HRNR: variants seen among roughly 807,000 people sequenced by gnomAD.
The protein encoded by HRNR is hornerin.
A neutral mutation model predicts 4.8 loss-of-function variants in HRNR; 7 were observed. That is an observed-to-expected ratio of 1.47 (90% confidence interval 0.83 to 2.75). The LOEUF (loss-of-function observed/expected upper bound fraction) is 2.75. Among genes scored for constraint, HRNR ranks in the 30% most tolerant of loss-of-function variants. The pLI is 0.00. For synonymous variants in HRNR, 1,023 were observed against 1,242.7 expected, an observed-to-expected ratio of 0.82 and a Z score of 3.72; for missense variants, 2,879 against 3,010.4, an observed-to-expected ratio of 0.96 and a Z score of 1.02.
In HRNR at chr1:152,220,548, AG is replaced by A. The variant is rs778877089; in HGVS notation, c.1080del (p.Tyr361IlefsTer224). On this transcript the variant is annotated frameshift_variant, in exon 3 of 3. Transcript: ENST00000368801. LOFTEE classifies it low-confidence loss of function (END_TRUNC). ...QHESGSGQSS[G>X]YSKHGSGSGH... Reference sequence around the variant, plus strand: ...CCTGAGCCAGAACCATGCTTACTATAGCCAGAGGACTGTCCTGAGCCAGACT... The same window carrying A: ...CCTGAGCCAGAACCATGCTTACTATACCAGAGGACTGTCCTGAGCCAGACT... 6.2e-7 allele frequency: 1 copy of A among 1,611,460 alleles called. No homozygotes were observed. The highest frequency in any genetic ancestry group is 8.5e-7 in the Non-Finnish European group (1 of 1,178,336).
chr1:152,220,560 G>T lies in HRNR; in HGVS notation c.1069C>A (p.Gln357Lys), dbSNP rs146471221. Residue 357 changes from glutamine to lysine, a missense_variant, in exon 3 of 3, where the codon CAG (glutamine) becomes AAG (lysine). By Grantham distance (53) the Gln-to-Lys change is moderately conservative. Coordinates refer to ENST00000368801, the MANE Select transcript of HRNR (RefSeq NM_001009931.3). ...GFGQHESGSG[Q>K]SSGYSKHGSG... is the part of the protein sequence containing the mutation. Reference sequence around the variant, plus strand: ...CCATGCTTACTATAGCCAGAGGACTGTCCTGAGCCAGACTCATGTTGCCCA... The same window carrying T: ...CCATGCTTACTATAGCCAGAGGACTTTCCTGAGCCAGACTCATGTTGCCCA... 14 of 1,611,778 alleles carry T rather than the reference G, an allele frequency of 8.7e-6. No homozygotes were observed. In the African/African-American group the frequency reaches 1.2e-4, roughly 14 times the overall value.
intron 2 of HRNR, among the ~76,000 whole-genome samples, chr1:152,222,579 A>G (rs571564260): frequency 6.6e-6 from 1 of 152,312 alleles, no homozygotes; most frequent in East Asian, 1.9e-4. Context: ...GGGCAAAAAG[A>G]TGAAGGAAAA....
rs41266136 is a variant in HRNR, at chr1:152,220,686, C to T, written c.943G>A (p.Gly315Ser). 0.024 allele frequency: 38,717 copies of T among 1,613,896 alleles called. 667 individuals are homozygous for T. The highest frequency in any genetic ancestry group is 0.056 in the South Asian group (5,064 of 91,074). ...CCGTGGCTGGAGGAGTGCCCCGAAC[C>T]GGACCCATGTCGGACGTGGCTAGGA... The part of the protein sequence containing the change: ...QSPSHVRHGS[G>S]SGHSSSHGQH... Residue 315 changes from glycine to serine, a missense_variant, in exon 3 of 3, where the codon GGT becomes AGT. By Grantham distance (56) the Gly-to-Ser change is moderately conservative. Transcript: ENST00000368801.
Position 152,220,648 on chromosome 1 carries a change from A to C in HRNR, c.981T>G (p.Ser327=). ...GHSSSHGQHG[S]GSSYSYSRGH... ...CACGGCTGTAAGAGTAACTTGAGCC[A>C]GACCCGTGTTGGCCGTGGCTGGAGG... The change falls in exon 3 of 3, where the codon TCT becomes TCG. Residue 327 remains serine (S), a synonymous_variant. Coordinates refer to ENST00000368801, the MANE Select transcript of HRNR (RefSeq NM_001009931.3). The C allele has an allele frequency of 6.2e-6, 10 of 1,612,210 alleles. No homozygotes were observed. Among genetic ancestry groups the C allele is most frequent in the Non-Finnish European group, 8.5e-6 (10 of 1,178,676 alleles).
rs145853651 is a variant in HRNR at position 152,221,466 on chromosome 1, C to A, written c.163G>T (p.Asp55Tyr). 19 of 1,608,078 alleles carry A rather than the reference C, an allele frequency of 1.2e-5. No individual in the cohort carries two copies. The highest frequency in any genetic ancestry group is 1.6e-5 in the Non-Finnish European group (19 of 1,176,538). The change falls in exon 3 of 3, where the codon GAT (aspartate) becomes TAT (tyrosine). Residue 55 changes from aspartate (D) to tyrosine (Y), a missense_variant. Physicochemically the swap from Asp to Tyr is radical, Grantham distance 160. Coordinates refer to ENST00000368801, the MANE Select transcript of HRNR (RefSeq NM_001009931.3). ...LKNPNDPDTV[D>Y]IILQSLDRDH... ...CGATCCAGACTTTGCAAGATGATAT[C>A]CACAGTATCTGGATCGTTTGGATTC...
rs761624974 is a variant in HRNR at position 152,220,753 on chromosome 1, C to T, written c.876G>A (p.Gln292=). Residue 292 remains glutamine, a synonymous_variant, in exon 3 of 3, where the codon CAG becomes CAA. Transcript: ENST00000368801. ...SYGQHGSGSR[Q]SLGHGRQGSG... ...ACCCTTGTCGGCCGTGGCCCAAAGA[C>T]TGACGGGAACCAGACCCATGCTGAC... 4.3e-6 allele frequency: 7 copies of T among 1,613,672 alleles called. No homozygotes were observed. Among genetic ancestry groups the T allele is most frequent in the African/African-American group, 1.3e-5 (1 of 74,848 alleles).
Position 152,220,039 on chromosome 1 carries a change from G to A in HRNR, c.1590C>T (p.His530=), listed in dbSNP as rs765023975. The change falls in exon 3 of 3, where the codon CAC becomes CAT. Residue 530 remains histidine, a synonymous_variant. Transcript: ENST00000368801. ...GGCCAGATCCAGACCCATGTCGGCT[G>A]TGTCCCAAAGATTGACGGGAGCCAG... is the stretch of plus-strand genomic sequence containing the variant. ...HGSGSRQSLG[H]SRHGSGSGQS... 1.9e-6 allele frequency: 3 copies of A among 1,613,608 alleles called. No homozygotes were observed. The highest frequency in any genetic ancestry group is 4.5e-5 in the East Asian group (2 of 44,852).
At position 152,219,565 on chromosome 1, in the gene HRNR, A is replaced by G. The variant is rs771059386; in HGVS notation, c.2064T>C (p.Asn688=). 6.2e-7 allele frequency: 1 copy of G among 1,613,530 alleles called. No individual in the cohort carries two copies. Among genetic ancestry groups the G allele is most frequent in the Non-Finnish European group, 8.5e-7 (1 of 1,179,918 alleles). The stretch of plus-strand genomic sequence containing the variant: ...GGCCTGAGACAGACCCATGTGGGCC[A>G]TTGCTTGAAGACCAACCGGAGCCAG... ...HGSGSGWSSS[N]GPHGSVSGQS... is the part of the protein sequence containing the mutation. The change falls in exon 3 of 3, where the codon AAT becomes AAC. Residue 688 remains asparagine, a synonymous_variant. Transcript: ENST00000368801.
In HRNR at chr1:152,212,954, A is replaced by G. The variant is rs1384559197; in HGVS notation, c.*122T>C. 3 of 1,307,938 alleles carry G rather than the reference A, an allele frequency of 2.3e-6. No individual in the cohort carries two copies. Among genetic ancestry groups the G allele is most frequent in the Non-Finnish European group, 3.1e-6 (3 of 961,182 alleles). 81.0% of individuals were successfully genotyped at this position (1,307,938 alleles called of 1,614,324 possible). Reference sequence around the variant, plus strand: ...TTAGGCTCTAAAGAAAGAGACAGAAATGCATTGATTCACTTTTAGAACGAA... The same window carrying G: ...TTAGGCTCTAAAGAAAGAGACAGAAGTGCATTGATTCACTTTTAGAACGAA... On this transcript the variant is annotated 3_prime_UTR_variant, in exon 3 of 3. Coordinates refer to ENST00000368801, the MANE Select transcript of HRNR (RefSeq NM_001009931.3).
In HRNR at chr1:152,213,051, A is replaced by C; in HGVS notation, c.*25T>G. 2 of 1,588,714 alleles carry C rather than the reference A, an allele frequency of 1.3e-6. No individual in the cohort carries two copies. The highest frequency in any genetic ancestry group is 1.7e-6 in the Non-Finnish European group (2 of 1,167,290). ...TTCCTATTTCTTAAATTGCTACTTG[A>C]GTAAATTGCATTTATGTTTATTATT... On this transcript the variant is annotated 3_prime_UTR_variant, in exon 3 of 3. Transcript: ENST00000368801.
rs199892404 is a variant in HRNR, at chr1:152,221,482, G to A, written c.147C>T (p.Asn49=). 178 of 1,596,232 alleles carry A rather than the reference G, an allele frequency of 1.1e-4. No homozygotes were observed. Among genetic ancestry groups the A allele is most frequent in the Non-Finnish European group, 1.3e-4 (154 of 1,170,192 alleles). ...AGATGATATCCACAGTATCTGGATC[G>A]TTTGGATTCTGTATAAGAGAAAGGT... The part of the protein sequence containing the change: ...NEFHQILKNP[N]DPDTVDIILQ... The change falls in exon 3 of 3, where the codon AAC becomes AAT. Residue 49 remains asparagine, a synonymous_variant. Coordinates refer to ENST00000368801, the MANE Select transcript of HRNR (RefSeq NM_001009931.3).
At chr1:152,221,694 G>C (rs1485321511) in intron 2 of HRNR, among the ~76,000 whole-genome samples, 1 of 152,192 alleles carries the variant, frequency 6.6e-6, no homozygotes, top group Non-Finnish European at 1.5e-5. Context: ...GAAACAGCTA[G>C]AATAGGATGC....
In HRNR at chr1:152,218,663, C is replaced by T. The variant is rs201982359; in HGVS notation, c.2966G>A (p.Gly989Asp). ...SSSSYGQHGS[G>D]SRQSLGHGQH... ...GCCGTGGCCCAAAGACTGACGGGAG[C>T]CAGACCCATGCTGACCATAGCTGGA... Residue 989 changes from glycine (G) to aspartate (D), a missense_variant, in exon 3 of 3, where the codon GGC (glycine) becomes GAC (aspartate). Physicochemically the swap from Gly to Asp is moderately conservative, Grantham distance 94 (BLOSUM62 -1). Around this residue, in one of 8 missense-constraint regions of HRNR, gnomAD observed 2,646 missense variants for 1,377.7 expected, o/e 1.92. Coordinates refer to ENST00000368801, the MANE Select transcript of HRNR (RefSeq NM_001009931.3). The T allele has an allele frequency of 1.3e-4, 203 of 1,613,450 alleles. 1 individual carries two copies. The highest frequency in any genetic ancestry group is 3.0e-4 in the Admixed American group (18 of 59,972).
chr1:152,223,320 A>T (rs554610502), intron 1 of HRNR, 42 bp from the exon 2 acceptor site: 2 of 1,259,686 alleles, frequency 1.6e-6, no homozygotes, highest in African/African-American at 3.0e-5. Context: ...TACTATTCTT[A>T]TTTCTTGTTT....
rs138393626 is a variant in HRNR, at chr1:152,218,945, T to C, written c.2684A>G (p.Gln895Arg). The C allele has an allele frequency of 1.2e-6, 2 of 1,613,382 alleles. No homozygotes were observed. The highest frequency in any genetic ancestry group is 1.3e-5 in the African/African-American group (1 of 74,826). The change falls in exon 3 of 3, where the codon CAG becomes CGG. Residue 895 changes from glutamine to arginine, a missense_variant. Around this residue, in one of 8 missense-constraint regions of HRNR, gnomAD observed 2,646 missense variants for 1,377.7 expected, o/e 1.92. Transcript: ENST00000368801. The stretch of plus-strand genomic sequence containing the variant: ...AGACTGCCCTGACCCAGACCCACGC[T>C]GGCCGTGGCCTGGAGACTGGCCAGA... ...SGSGQSPGHGQRGSGSGQSPS... is the reference protein window; with the variant it reads ...SGSGQSPGHGRRGSGSGQSPS...
intron 2 of HRNR, 48 bp downstream of exon 2, chr1:152,223,068 T>G (rs754191373): frequency 3.8e-6 from 6 of 1,588,758 alleles, no homozygotes; most frequent in South Asian, 1.1e-5. Flanking sequence ...TGGAAAGGGA[T>G]AAAGAAGAAA....
chr1:152,220,378 G>A lies in HRNR; in HGVS notation c.1251C>T (p.Ser417=). The change falls in exon 3 of 3, where the codon AGC becomes AGT. Residue 417 remains serine (S), a synonymous_variant. Coordinates refer to ENST00000368801, the MANE Select transcript of HRNR (RefSeq NM_001009931.3). ...SRHSSGRGQH[S]SGSGQSPGHG... is the part of the protein sequence containing the mutation. Reference sequence around the variant, plus strand: ...GGCCTGGAGACTGGCCAGATCCAGAGCTGTGTTGGCCGCGGCCTGAAGAGT... The same window carrying A: ...GGCCTGGAGACTGGCCAGATCCAGAACTGTGTTGGCCGCGGCCTGAAGAGT... The A allele has an allele frequency of 6.2e-7, 1 of 1,613,366 alleles. No individual in the cohort carries two copies. Among genetic ancestry groups the A allele is most frequent in the Non-Finnish European group, 8.5e-7 (1 of 1,179,668 alleles).
rs768089839 is a variant in HRNR, at chr1:152,218,684, C to G, written c.2945G>C (p.Ser982Thr). The change falls in exon 3 of 3, where the codon AGC becomes ACC. Residue 982 changes from serine (S) to threonine (T), a missense_variant. By Grantham distance (58) the Ser-to-Thr change is moderately conservative. Coordinates refer to ENST00000368801, the MANE Select transcript of HRNR (RefSeq NM_001009931.3). The part of the protein sequence containing the change: ...QHGSSSGSSS[S>T]YGQHGSGSRQ... ...GGAGCCAGACCCATGCTGACCATAG[C>G]TGGAAGACGAACCTGAGCTAGATCC... The G allele has an allele frequency of 2.5e-6, 4 of 1,613,904 alleles. No homozygotes were observed. Among genetic ancestry groups the G allele is most frequent in the Non-Finnish European group, 3.4e-6 (4 of 1,180,016 alleles).
rs200674313 is a variant in HRNR, at chr1:152,218,730, A to T, written c.2899T>A (p.Ser967Thr). The T allele has an allele frequency of 1.9e-6, 3 of 1,613,754 alleles. No individual in the cohort carries two copies. The highest frequency in any genetic ancestry group is 1.7e-5 in the Admixed American group (1 of 59,986). ...YEQHGSRSGQ[S>T]SRSEQHGSSS... The stretch of plus-strand genomic sequence containing the variant: ...GATCCATGTTGTTCGCTCCTAGATG[A>T]CTGTCCTGACCTAGAGCCGTGTTGT... The change falls in exon 3 of 3, where the codon TCA (serine) becomes ACA (threonine). Residue 967 changes from serine (S) to threonine (T), a missense_variant. Transcript: ENST00000368801.
Sources: gnomAD v4.1 joint callset for allele counts (sites outside exome capture counted in the v4.1 genomes callset) on GRCh38, gnomAD v4.1.1 for gene constraint, gnomAD v4.1.1 regional missense constraint, MANE v1.5 for transcripts, NCBI Gene and HGNC (gene_info 2026-07-23, HGNC 2026-07-21) for gene names.